Variants in RNF182 observed in about 807,000 individuals in gnomAD.
The protein encoded by RNF182 is E3 ubiquitin-protein ligase RNF182.
RNF182 carries 15 observed loss-of-function variants against 14.4 expected under a neutral mutation model. The ratio of observed to expected loss-of-function variants is 1.04; its 90% CI spans 0.70 to 1.60. The LOEUF (loss-of-function observed/expected upper bound fraction) is 1.60, where lower values mean the gene tolerates loss of function less well. RNF182 is among the 40% of genes most tolerant of loss of function. RNF182 has a pLI of 0.00. For synonymous variants in RNF182, 128 were observed against 122.9 expected (o/e 1.04, Z -0.27); for missense variants, 268 against 294.8 (o/e 0.91, Z 0.67).
chr6:13,946,227 C>G (rs574977174), intron 1 of RNF182, among the ~76,000 whole-genome samples: 2 of 151,076 alleles, frequency 1.3e-5, no homozygotes, highest in African/African-American at 4.9e-5. Flanking sequence ...AGTGCAGTGG[C>G]ACAATCTCAG....
At position 13,979,700 on chromosome 6, in the gene RNF182, A is replaced by T. The variant is rs939738822; in HGVS notation, c.*1837A>T. 15 of 166,790 alleles carry T rather than the reference A, an allele frequency of 9.0e-5. No individual in the cohort carries two copies. Among genetic ancestry groups the T allele is most frequent in the African/African-American group, 2.4e-4 (10 of 41,436 alleles). 10.3% of individuals were successfully genotyped at this position (166,790 alleles called of 1,614,324 possible). A position where few individuals can be genotyped will look rare whatever the true frequency, so the allele number is the denominator to read the frequency against. ...ATTTATATATTTGTAAGGTTTTTTT[A>T]AAAAAATGTTCGTTTTGTTTGAAAT... On this transcript the variant is annotated 3_prime_UTR_variant, in exon 3 of 3. Coordinates refer to ENST00000488300, the MANE Select transcript of RNF182 (RefSeq NM_152737.4).
chr6:13,979,675 A>G lies in RNF182; in HGVS notation c.*1812A>G, dbSNP rs1376716775. 1 of 166,638 alleles carries G rather than the reference A, an allele frequency of 6.0e-6. No homozygotes were observed. The highest frequency in any genetic ancestry group is 6.5e-5 in the Admixed American group (1 of 15,270). The allele number at this position is 166,638 out of a possible 1,614,324, so 10.3% of individuals were successfully genotyped here. A position where few individuals can be genotyped will look rare whatever the true frequency, so the allele number is the denominator to read the frequency against. On this transcript the variant is annotated 3_prime_UTR_variant, in exon 3 of 3. Coordinates refer to ENST00000488300, the MANE Select transcript of RNF182 (RefSeq NM_152737.4). ...GTTTAGAAGATGTTTTGTGGTTTGG[A>G]TTTATATATTTGTAAGGTTTTTTTA... is the stretch of plus-strand genomic sequence containing the variant.
At chr6:13,926,792 T>G (rs1159461971) in intron 1 of RNF182, among the ~76,000 whole-genome samples, 1 of 83,602 alleles carries the variant, frequency 1.2e-5, no homozygotes, top group African/African-American at 6.6e-5. Flanking sequence ...TGTGTGTGTG[T>G]TTTTTTTTTT....
intron 1 of RNF182, among the ~76,000 whole-genome samples, chr6:13,966,208 A>G (rs903864551): frequency 1.3e-5 from 2 of 152,220 alleles, no homozygotes; most frequent in Non-Finnish European, 2.9e-5. Context: ...TAGAAATATC[A>G]TCACCTATTT....
intron 1 of RNF182, among the ~76,000 whole-genome samples, chr6:13,932,781 C>T (rs530344412): frequency 1.3e-5 from 2 of 152,286 alleles, no homozygotes; most frequent in African/African-American, 2.4e-5. Flanking sequence ...CAATTGTGTA[C>T]AGGCTGTTCC....
intron 1 of RNF182, among the ~76,000 whole-genome samples, chr6:13,947,176 C>G (rs915277229): frequency 3.3e-5 from 5 of 152,216 alleles, no homozygotes; most frequent in Admixed American, 3.3e-4. Context: ...TTATGTTAAT[C>G]ATGCCTCATG....
intron 1 of RNF182, among the ~76,000 whole-genome samples, chr6:13,939,134 G>A (rs1219979794): frequency 6.6e-6 from 1 of 152,146 alleles, no homozygotes; most frequent in Non-Finnish European, 1.5e-5. Context: ...CTGATATCAG[G>A]TAGTATAAGT....
rs530725030 is a variant in RNF182 at position 13,978,778 on chromosome 6, T to C, written c.*915T>C. Reference sequence around the variant, plus strand: ...AATTCATCAATACTTTTTTTCCCTATTATATTTTTGGTTCTATTAGGATTT... The same window carrying C: ...AATTCATCAATACTTTTTTTCCCTACTATATTTTTGGTTCTATTAGGATTT... On this transcript the variant is annotated 3_prime_UTR_variant, in exon 3 of 3. Coordinates refer to ENST00000488300, the MANE Select transcript of RNF182 (RefSeq NM_152737.4). The C allele has an allele frequency of 1.0e-3, 172 of 167,220 alleles. No individual in the cohort carries two copies. Among genetic ancestry groups the C allele is most frequent in the African/African-American group, 4.0e-3 (165 of 41,586 alleles). 10.4% of individuals were successfully genotyped at this position (167,220 alleles called of 1,614,324 possible).
At chr6:13,972,304 CAA>C (rs1162936847) in intron 1 of RNF182, among the ~76,000 whole-genome samples, 26 of 61,066 alleles carry the variant, frequency 4.3e-4, no homozygotes, top group Admixed American at 1.0e-3. Context: ...GACTCTGTCT[CAA>C]AAAAAAAAAA....
At chr6:13,971,554 T>C (rs1242263466) in intron 1 of RNF182, among the ~76,000 whole-genome samples, 5 of 152,114 alleles carry the variant, frequency 3.3e-5, no homozygotes, top group African/African-American at 7.2e-5. Context: ...TGGAACTGGG[T>C]AACAGACAGA....
rs1235965843 is a variant in RNF182, at chr6:13,964,905, CTGCTAGATCACAG to C, written c.-366-9304_-366-9292del. On this transcript the variant is annotated intron_variant, in intron 1 of 2. Transcript: ENST00000488300. Reference sequence around the variant, plus strand: ...TCCTGGCAGCCCACCTGCTGTCACACTGCTAGATCACAGGAGAAGAGACCATTGTGTTTCACCC... The same window carrying C: ...TCCTGGCAGCCCACCTGCTGTCACACGAGAAGAGACCATTGTGTTTCACCC... Among the ~76,000 whole-genome samples, 3 of 152,214 alleles carry C rather than the reference CTGCTAGATCACAG, an allele frequency of 2.0e-5. No homozygotes were observed. In the East Asian group the frequency reaches 5.8e-4, roughly 29 times the overall value.
At position 13,949,083 on chromosome 6, in the gene RNF182, G is replaced by A. The variant is rs142488467; in HGVS notation, c.-367+24060G>A. ...CCTTTTATAACCCTTTAAATTTTTT[G>A]TTGATGGCAAGATGGCTGCCACTGC... On this transcript the variant is annotated intron_variant, in intron 1 of 2. Coordinates refer to ENST00000488300, the MANE Select transcript of RNF182 (RefSeq NM_152737.4). 584 of 716,462 alleles carry A rather than the reference G, an allele frequency of 8.2e-4. 2 individuals are homozygous for A. In the African/African-American group the frequency reaches 8.7e-3, roughly 11 times the overall value. The allele number at this position is 716,462 out of a possible 1,614,324, so 44.4% of individuals were successfully genotyped here.
In RNF182 at chr6:13,973,155, G is replaced by A. The variant is rs141882391; in HGVS notation, c.-366-1055G>A. ...CCTGCTGGATTTTGGACTTGCATGG[G>A]GCCTGTAGCCCCTTTGTTTTGACCA... On this transcript the variant is annotated intron_variant, in intron 1 of 2. Transcript: ENST00000488300. Among the ~76,000 whole-genome samples, 382 of 152,258 alleles carry A rather than the reference G, an allele frequency of 2.5e-3. 4 individuals are homozygous for A. The highest frequency in any genetic ancestry group is 8.5e-3 in the African/African-American group (354 of 41,538).
At chr6:13,946,119 T>A (rs553214154) in intron 1 of RNF182, among the ~76,000 whole-genome samples, 2 of 148,488 alleles carry the variant, frequency 1.3e-5, no homozygotes, top group African/African-American at 4.9e-5. Flanking sequence ...GGAAAGAATC[T>A]GTATTATCTT....
At chr6:13,976,348 A>G (rs1369031078) in intron 2 of RNF182, among the ~76,000 whole-genome samples, 1 of 152,260 alleles carries the variant, frequency 6.6e-6, no homozygotes, top group African/African-American at 2.4e-5. Flanking sequence ...AAAAGCATTT[A>G]TATAACAGAT....
intron 1 of RNF182, among the ~76,000 whole-genome samples, chr6:13,958,259 G>A (rs12212888): frequency 0.4 from 60,768 of 151,718 alleles, 13,440 homozygotes; most frequent in Middle Eastern, 0.51. Flanking sequence ...GGTGGTGTGC[G>A]CCTGTAGTCC....
Position 13,979,266 on chromosome 6 carries a change from C to G in RNF182, c.*1403C>G, listed in dbSNP as rs1280331136. On this transcript the variant is annotated 3_prime_UTR_variant, in exon 3 of 3. Transcript: ENST00000488300. ...GCAGATTACAAGTTGGCAAAATAGA[C>G]TGTTCACAGAAACTAGGCAAAAATT... The G allele has an allele frequency of 6.0e-6, 1 of 166,168 alleles. No homozygotes were observed. Among genetic ancestry groups the G allele is most frequent in the East Asian group, 1.9e-4 (1 of 5,202 alleles). 10.3% of individuals were successfully genotyped at this position (166,168 alleles called of 1,614,324 possible). A position where few individuals can be genotyped will look rare whatever the true frequency, so the allele number is the denominator to read the frequency against.
chr6:13,925,304 C>T (rs1258109145), intron 1 of RNF182: 3 of 149,978 alleles, frequency 2.0e-5, no homozygotes, highest in East Asian at 4.0e-4. Context: ...AGGGAGCTGC[C>T]CCTCTGTTGT....
chr6:13,935,221 C>G (rs1281592074), intron 1 of RNF182, among the ~76,000 whole-genome samples: 1 of 152,196 alleles, frequency 6.6e-6, no homozygotes, highest in Non-Finnish European at 1.5e-5. Flanking sequence ...GTATTTACCA[C>G]AGTTCTAATT....
Sources: allele counts gnomAD v4.1 joint callset (sites outside exome capture counted in the v4.1 genomes callset), GRCh38; gene constraint gnomAD v4.1.1; transcripts MANE v1.5; gene names NCBI Gene and HGNC (gene_info 2026-07-23, HGNC 2026-07-21).